GSKIP: variants seen among roughly 807,000 people sequenced by gnomAD.
The protein encoded by GSKIP is GSK3B interacting protein, also known as GSK3B-interacting protein.
GSKIP carries 5 observed loss-of-function variants against 11.9 expected under a neutral mutation model. The ratio of observed to expected loss-of-function variants is 0.42; its 90% CI spans 0.22 to 0.89. The LOEUF is 0.89. GSKIP is among the 40% of genes least tolerant of loss of function. The pLI is 0.29. For missense variants in GSKIP, 150 were observed against 166.6 expected (o/e 0.90, Z 0.55); for synonymous variants, 70 against 62.9 (o/e 1.11, Z -0.54).
At chr14:96,382,048 T>C (rs1889357593) in intron 2 of GSKIP, among the ~76,000 whole-genome samples, 199 bp from the exon 3 acceptor site, 2 of 152,136 alleles carry the variant, frequency 1.3e-5, no homozygotes, top group Non-Finnish European at 2.9e-5. Context: ...GATTCTTTTT[T>C]TTGAAGATCT....
intron 3 of GSKIP, among the ~76,000 whole-genome samples, chr14:96,383,393 T>TC (rs1889402297): frequency 7.0e-6 from 1 of 143,878 alleles, no homozygotes; most frequent in Non-Finnish European, 1.6e-5. Context: ...CAGACCCTGT[T>TC]TAAAAAAAAA....
At chr14:96,384,436 C>T (rs930268582) in intron 3 of GSKIP, among the ~76,000 whole-genome samples, 5 of 151,714 alleles carry the variant, frequency 3.3e-5, no homozygotes, top group Admixed American at 6.6e-5. Flanking sequence ...CACAAACTTT[C>T]ACCTCCTATG....
chr14:96,385,785 T>C lies in GSKIP; in HGVS notation c.*101T>C. On this transcript the variant is annotated 3_prime_UTR_variant, in exon 4 of 4. Transcript: ENST00000555181. The stretch of plus-strand genomic sequence containing the variant: ...CATAGAAAATGCATCTTTGGTTTTG[T>C]GTTTTTATCACTTGCTTCCAACTTA... 1 of 908,736 alleles carries C rather than the reference T, an allele frequency of 1.1e-6. No individual in the cohort carries two copies. The highest frequency in any genetic ancestry group is 1.6e-6 in the Non-Finnish European group (1 of 610,668). 56.3% of individuals were successfully genotyped at this position (908,736 alleles called of 1,614,324 possible).
At chr14:96,382,526 G>GA (rs752438974) in intron 3 of GSKIP, 21 bp downstream of exon 3, 899 of 1,527,430 alleles carry the variant, frequency 5.9e-4, no homozygotes, top group Non-Finnish European at 6.8e-4. Context: ...TTTCCTTTTA[G>GA]AAAAAAAAAT....
intron 1 of GSKIP, among the ~76,000 whole-genome samples, chr14:96,369,461 A>G (rs960660892): frequency 1.3e-5 from 2 of 152,212 alleles, no homozygotes; most frequent in Non-Finnish European, 1.5e-5. Flanking sequence ...GAAATCTCCT[A>G]GGCTGTCCCT....
chr14:96,368,248 T>C (rs1245219691), intron 1 of GSKIP, among the ~76,000 whole-genome samples: 7 of 151,326 alleles, frequency 4.6e-5, no homozygotes, highest in Non-Finnish European at 8.8e-5. Context: ...AGTGGCACGA[T>C]AGCTCATTGT....
intron 1 of GSKIP, among the ~76,000 whole-genome samples, chr14:96,377,996 G>C (rs528878997): frequency 1.3e-5 from 2 of 152,272 alleles, no homozygotes; most frequent in East Asian, 3.9e-4. Context: ...AGTACTCTAG[G>C]CTTCCTTTTA....
intron 1 of GSKIP, among the ~76,000 whole-genome samples, chr14:96,371,949 C>A (rs1367912440): frequency 6.6e-6 from 1 of 152,068 alleles, no homozygotes; most frequent in Admixed American, 6.6e-5. Flanking sequence ...TAGGGCTATA[C>A]TTCTAAAACG....
intron 1 of GSKIP, among the ~76,000 whole-genome samples, chr14:96,367,631 C>T (rs1888924727): frequency 6.6e-6 from 1 of 152,016 alleles, no homozygotes; most frequent in African/African-American, 2.4e-5. Context: ...GCTCTGAACT[C>T]GTAATGAAAC....
chr14:96,372,605 C>A (rs1362918166), intron 1 of GSKIP, among the ~76,000 whole-genome samples: 1 of 152,160 alleles, frequency 6.6e-6, no homozygotes, highest in East Asian at 1.9e-4. Flanking sequence ...ATGAAACAAA[C>A]AACAAGATGG....
chr14:96,364,037 G>C (rs1888786852), intron 1 of GSKIP: 1 of 152,318 alleles, frequency 6.6e-6, no homozygotes, highest in African/African-American at 2.4e-5. Context: ...CAGGAAACTT[G>C]GGTTTTCGAA....
At chr14:96,368,169 G>C (rs1220466652) in intron 1 of GSKIP, among the ~76,000 whole-genome samples, 1 of 150,546 alleles carries the variant, frequency 6.6e-6, no homozygotes, top group Non-Finnish European at 1.5e-5. Flanking sequence ...AGGTTTACAA[G>C]GTTGTATTGC....
Position 96,382,281 on chromosome 14 carries a change from A to G in GSKIP, c.34A>G (p.Ser12Gly), listed in dbSNP as rs530300010. Residue 12 changes from serine to glycine, a missense_variant, in exon 3 of 4, where the codon AGT becomes GGT. Coordinates refer to ENST00000555181, the MANE Select transcript of GSKIP (RefSeq NM_016472.5). ...AGACTGTAATCCCATGGAGCTAAGC[A>G]GTATGTCAGGATTTGAAGAAGGTTC... is the stretch of plus-strand genomic sequence containing the variant. ...ETDCNPMELS[S>G]MSGFEEGSEL... The G allele has an allele frequency of 2.0e-5, 33 of 1,612,262 alleles. No individual in the cohort carries two copies. In the African/African-American group the frequency reaches 4.0e-4, roughly 20 times the overall value.
At chr14:96,383,956 C>T (rs1328999014) in intron 3 of GSKIP, among the ~76,000 whole-genome samples, 1 of 152,006 alleles carries the variant, frequency 6.6e-6, no homozygotes, top group Non-Finnish European at 1.5e-5. Flanking sequence ...GAGTTCTGAT[C>T]AGAGAGTCAG....
chr14:96,381,999 A>G (rs570478022), intron 2 of GSKIP, among the ~76,000 whole-genome samples: 2 of 152,316 alleles, frequency 1.3e-5, no homozygotes, highest in East Asian at 1.9e-4. Context: ...ATGCTTATCA[A>G]TATGGAAATT....
intron 1 of GSKIP, among the ~76,000 whole-genome samples, chr14:96,377,454 A>G (rs1406081619): frequency 1.3e-5 from 2 of 152,232 alleles, no homozygotes; most frequent in African/African-American, 4.8e-5. Context: ...TCTCATCCTC[A>G]ATGGTACAGG....
chr14:96,385,509 C>T lies in GSKIP; in HGVS notation c.259-14C>T, dbSNP rs776067398. ...ATGAAAACTAATGAATTCACTGTTG[C>T]ATTTCTCTTGTAGGTGGTAGGCTAT... is the stretch of plus-strand genomic sequence containing the variant. On this transcript the variant is annotated splice_polypyrimidine_tract_variant and intron_variant, in intron 3 of 3. Coordinates refer to ENST00000555181, the MANE Select transcript of GSKIP (RefSeq NM_016472.5). 1.9e-6 allele frequency: 3 copies of T among 1,595,602 alleles called. No homozygotes were observed. The highest frequency in any genetic ancestry group is 2.7e-5 in the African/African-American group (2 of 73,746).
intron 1 of GSKIP, chr14:96,364,752 A>G (rs1157039372): frequency 6.6e-6 from 1 of 152,230 alleles, no homozygotes; most frequent in Non-Finnish European, 1.5e-5. Flanking sequence ...ACCACAGTTG[A>G]TCATGTGAAC....
intron 1 of GSKIP, among the ~76,000 whole-genome samples, chr14:96,371,665 A>G (rs2120213): frequency 1 from 151,927 of 152,286 alleles, 75,789 homozygotes; most frequent in Middle Eastern, 1. Flanking sequence ...CAGACTGGTC[A>G]CAAACTCCTG....
Sources: gnomAD v4.1 joint callset for allele counts (sites outside exome capture counted in the v4.1 genomes callset) on GRCh38, gnomAD v4.1.1 for gene constraint, MANE v1.5 for transcripts, NCBI Gene and HGNC (gene_info 2026-07-23, HGNC 2026-07-21) for gene names.